The following LARS2 variants were observed in gnomAD, a reference collection of about 807,000 sequenced individuals.
The protein encoded by LARS2 is leucyl-tRNA synthetase 2, mitochondrial, also known as leucine--tRNA ligase, mitochondrial.
In LARS2, 81 loss-of-function variants were observed where a neutral mutation model predicts 116.6. The ratio of observed to expected loss-of-function variants is 0.69; its 90% CI spans 0.58 to 0.84. LARS2 has a LOEUF of 0.84. Among genes scored for constraint, LARS2 ranks in the 40% least tolerant of loss-of-function variants. The pLI is 0.00. For synonymous variants in LARS2, 396 were observed against 407.2 expected, an observed-to-expected ratio of 0.97 and a Z score of 0.33; for missense variants, 968 against 1,114.5, an observed-to-expected ratio of 0.87 and a Z score of 1.87.
At position 45,524,123 on chromosome 3, in the gene LARS2, C is replaced by A; in HGVS notation, c.2404+15C>A. On this transcript the variant is annotated intron_variant, in intron 20 of 21. Transcript: ENST00000645846. ...GATCTGGGCAGGTACGTGGCAGAGT[C>A]CTTTTTTGACCAGTTACTACTAACT... 6.6e-7 allele frequency: 1 copy of A among 1,515,544 alleles called. No homozygotes were observed. Among genetic ancestry groups the A allele is most frequent in the South Asian group, 1.1e-5 (1 of 88,684 alleles). 93.9% of individuals were successfully genotyped at this position (1,515,544 alleles called of 1,614,324 possible).
At chr3:45,438,664 CA>C (rs34358676) in intron 6 of LARS2, among the ~76,000 whole-genome samples, 11,236 of 135,520 alleles carry the variant, frequency 0.083, 727 homozygotes, top group African/African-American at 0.2. Context: ...CTAAAAATAC[CA>C]AAAAAAAAAA....
At chr3:45,516,609 A>G (rs528061975) in intron 17 of LARS2, among the ~76,000 whole-genome samples, 2 of 152,274 alleles carry the variant, frequency 1.3e-5, no homozygotes, top group Admixed American at 6.5e-5. Flanking sequence ...TACGAGGACC[A>G]TGCTTTGAGA....
At chr3:45,440,499 G>A (rs1346197069) in intron 6 of LARS2, among the ~76,000 whole-genome samples, 1 of 152,224 alleles carries the variant, frequency 6.6e-6, no homozygotes, top group Admixed American at 6.5e-5. Flanking sequence ...AAACTGTGAT[G>A]TGCAGTGGCC....
chr3:45,402,536 GTTCT>G (rs1220463608), intron 4 of LARS2, among the ~76,000 whole-genome samples: 2 of 152,198 alleles, frequency 1.3e-5, no homozygotes, highest in African/African-American at 4.8e-5. Flanking sequence ...CTGCCTCTCA[GTTCT>G]TTCTATTTTA....
Position 45,538,139 on chromosome 3 carries a change from A to ACC in LARS2, c.2405-3689_2405-3688dup, listed in dbSNP as rs1034672836. On this transcript the variant is annotated intron_variant, in intron 20 of 21. Coordinates refer to ENST00000645846, the MANE Select transcript of LARS2 (RefSeq NM_015340.4). ...AAGGAGGCGAAAACGCTACATAAAA[A>ACC]CCAGGGTCCTGAGTTTCTGTTCCTC... is the stretch of plus-strand genomic sequence containing the variant. Among the ~76,000 whole-genome samples the ACC allele has an allele frequency of 6.6e-5, 10 of 152,272 alleles. No homozygotes were observed. The East Asian group carries it at 9.7e-4, about 15-fold the overall frequency.
chr3:45,413,830 C>A (rs1698373539), intron 4 of LARS2, among the ~76,000 whole-genome samples: 1 of 152,218 alleles, frequency 6.6e-6, no homozygotes, highest in African/African-American at 2.4e-5. Flanking sequence ...GAGAACAGAT[C>A]TGGCGACTGG....
chr3:45,546,122 A>G (rs1039063113), intron 21 of LARS2, among the ~76,000 whole-genome samples: 1 of 152,136 alleles, frequency 6.6e-6, no homozygotes, highest in Non-Finnish European at 1.5e-5. Context: ...CTGCTCTTCC[A>G]TAGGAGGAAA....
chr3:45,524,459 G>A (rs1700505212), intron 20 of LARS2, among the ~76,000 whole-genome samples: 2 of 152,146 alleles, frequency 1.3e-5, no homozygotes, highest in Admixed American at 6.5e-5. Flanking sequence ...TGTACAGGTG[G>A]AAATTAAGTT....
At chr3:45,463,885 G>A (rs1306981293) in intron 8 of LARS2, among the ~76,000 whole-genome samples, 9 of 152,060 alleles carry the variant, frequency 5.9e-5, no homozygotes, top group Non-Finnish European at 1.2e-4. Flanking sequence ...GGTCCAAGGA[G>A]GTATCACTGA....
intron 12 of LARS2, among the ~76,000 whole-genome samples, chr3:45,490,773 C>T (rs1699902068): frequency 6.6e-6 from 1 of 152,160 alleles, no homozygotes; most frequent in Non-Finnish European, 1.5e-5. Flanking sequence ...TGCGAGGGTA[C>T]CCGCAATCCA....
At position 45,501,942 on chromosome 3, in the gene LARS2, A is replaced by T. The variant is rs546938522; in HGVS notation, c.1760+1363A>T. Among the ~76,000 whole-genome samples the T allele has an allele frequency of 7.2e-5, 11 of 151,942 alleles. No homozygotes were observed. The South Asian group carries it at 2.3e-3, about 32-fold the overall frequency. On this transcript the variant is annotated intron_variant, in intron 15 of 21. Transcript: ENST00000645846. ...ACACCGATTTTTTTTTAATTTTTTA[A>T]TTTTTAATTTTTGCAGGTACATAGT...
chr3:45,415,703 C>A (rs1698401449), intron 4 of LARS2, among the ~76,000 whole-genome samples: 1 of 151,782 alleles, frequency 6.6e-6, no homozygotes, highest in Admixed American at 6.6e-5. Flanking sequence ...CAAAAATTAG[C>A]CGGGTGTGGG....
chr3:45,408,467 G>T (rs1235284846), intron 4 of LARS2, among the ~76,000 whole-genome samples: 1 of 152,266 alleles, frequency 6.6e-6, no homozygotes, highest in Non-Finnish European at 1.5e-5. Context: ...CTTGCTGTTA[G>T]ATCCATCCCT....
At chr3:45,391,045 C>T (rs1393731610) in intron 1 of LARS2, among the ~76,000 whole-genome samples, 1 of 152,164 alleles carries the variant, frequency 6.6e-6, no homozygotes, top group Non-Finnish European at 1.5e-5. Flanking sequence ...TTTCTCGTAG[C>T]TAATTGCTTG....
At chr3:45,426,449 G>A (rs1214920595) in intron 6 of LARS2, among the ~76,000 whole-genome samples, 1 of 152,156 alleles carries the variant, frequency 6.6e-6, no homozygotes. Flanking sequence ...TGGATTACTT[G>A]TTCTCCCTCA....
At chr3:45,443,510 G>A (rs1224501896) in intron 6 of LARS2, among the ~76,000 whole-genome samples, 4 of 152,132 alleles carry the variant, frequency 2.6e-5, no homozygotes, top group African/African-American at 7.2e-5. Context: ...TGAGCCTTGC[G>A]AGTGTCTGTT....
chr3:45,440,891 G>A (rs1214465678), intron 6 of LARS2, among the ~76,000 whole-genome samples: 1 of 152,096 alleles, frequency 6.6e-6, no homozygotes, highest in African/African-American at 2.4e-5. Flanking sequence ...TTGTTAAGGA[G>A]CAGAACACTA....
In LARS2 at chr3:45,419,706, G is replaced by A. The variant is rs755736437; in HGVS notation, c.493G>A (p.Gly165Ser). 2.0e-5 allele frequency: 33 copies of A among 1,613,932 alleles called. No individual in the cohort carries two copies. The highest frequency in any genetic ancestry group is 2.5e-5 in the Non-Finnish European group (29 of 1,179,868). ...CATGAGGAAACAGCTTGATCGTCTG[G>A]GCCTGTGTTTCAGCTGGGATAGGGT... ...KHMRKQLDRLGLCFSWDREIT... is the reference protein window; with the variant it reads ...KHMRKQLDRLSLCFSWDREIT... The change falls in exon 6 of 22, where the codon GGC becomes AGC. Residue 165 changes from glycine (G) to serine (S), a missense_variant. By Grantham distance (56) the Gly-to-Ser change is moderately conservative. Coordinates refer to ENST00000645846, the MANE Select transcript of LARS2 (RefSeq NM_015340.4).
intron 21 of LARS2, 69 bp from the exon 22 acceptor site, chr3:45,547,281 GT>G: frequency 7.1e-7 from 1 of 1,401,600 alleles, no homozygotes; most frequent in Non-Finnish European, 9.8e-7. Flanking sequence ...CAGGCAGGAG[GT>G]TTGGTATTGG....
Sources: gnomAD v4.1 joint callset for allele counts (sites outside exome capture counted in the v4.1 genomes callset) on GRCh38, gnomAD v4.1.1 for gene constraint, MANE v1.5 for transcripts, NCBI Gene and HGNC (gene_info 2026-07-23, HGNC 2026-07-21) for gene names.